Variants in EEF1B2 observed in about 807,000 individuals in gnomAD.
The protein encoded by EEF1B2 is elongation factor 1-beta.
A neutral mutation model predicts 28.3 loss-of-function variants in EEF1B2; 12 were observed. That is an observed-to-expected ratio of 0.42 (90% CI 0.27 to 0.69). The LOEUF is 0.69. EEF1B2 is among the 30% of genes least tolerant of loss of function. The pLI, the probability that EEF1B2 is intolerant of heterozygous loss-of-function variation, is 0.22. For synonymous variants in EEF1B2, 83 were observed against 99.9 expected, an observed-to-expected ratio of 0.83 and a Z score of 1.01; for missense variants, 234 against 272.6, an observed-to-expected ratio of 0.86 and a Z score of 1.00.
chr2:206,162,666 C>T lies in EEF1B2; in HGVS notation c.523+52C>T. 3.2e-6 allele frequency: 5 copies of T among 1,568,450 alleles called. No homozygotes were observed. In the East Asian group the frequency reaches 6.7e-5, roughly 21 times the overall value. On this transcript the variant is annotated intron_variant, in intron 5 of 5. Coordinates refer to ENST00000392222, the MANE Select transcript of EEF1B2 (RefSeq NM_001959.4). Reference sequence around the variant, plus strand: ...TTTGAAACTAACATCTGGAATTTGCCTACAGTTTCAACCTTTCCTACAAGA... The same window carrying T: ...TTTGAAACTAACATCTGGAATTTGCTTACAGTTTCAACCTTTCCTACAAGA...
At chr2:206,159,802 A>C, upstream of EEF1B2, 2 of 579,470 alleles carry the variant, frequency 3.5e-6, no homozygotes, top group Non-Finnish European at 6.0e-6. Flanking sequence ...AGAAGTGGGA[A>C]TGCAAAAGTA....
At chr2:206,162,271 T>C (rs1169747052) in intron 4 of EEF1B2, 167 bp downstream of exon 4, 5 of 1,075,488 alleles carry the variant, frequency 4.6e-6, no homozygotes, top group Non-Finnish European at 7.2e-6. Flanking sequence ...GTAGCAGTTG[T>C]GGCATTCCTC....
chr2:206,160,979 A>G, intron 2 of EEF1B2: 1 of 679,178 alleles, frequency 1.5e-6, no homozygotes, highest in Non-Finnish European at 2.7e-6. Flanking sequence ...CTGGGGTGAG[A>G]GGGTGGCTCA....
chr2:206,161,885 C>T (rs772292882), intron 3 of EEF1B2, 153 bp from the exon 4 acceptor site: 2 of 783,902 alleles, frequency 2.6e-6, no homozygotes, highest in South Asian at 1.3e-5. Context: ...TGACTGGTTG[C>T]ATGATGAATA....
rs530735786 is a variant in EEF1B2 at position 206,160,790 on chromosome 2, C to T, written c.203+80C>T. 5 of 1,607,362 alleles carry T rather than the reference C, an allele frequency of 3.1e-6. No individual in the cohort carries two copies. The South Asian group carries it at 5.5e-5, about 18-fold the overall frequency. On this transcript the variant is annotated intron_variant, in intron 2 of 5. Transcript: ENST00000392222. Reference sequence around the variant, plus strand: ...GGATGTTCACATGACAAAACTGGACCCAGGCTACTTTAGTTTTGTTGGGAT... The same window carrying T: ...GGATGTTCACATGACAAAACTGGACTCAGGCTACTTTAGTTTTGTTGGGAT...
In EEF1B2 at chr2:206,160,718, C is replaced by T; in HGVS notation, c.203+8C>T. ...CGAAAAGGAAAAGGCCAGGTAAAAT[C>T]ATCTTTGTATAGAGCTGAAGAATAA... On this transcript the variant is annotated splice_region_variant and intron_variant, in intron 2 of 5. Transcript: ENST00000392222. The T allele has an allele frequency of 6.2e-7, 1 of 1,614,076 alleles. No homozygotes were observed. The highest frequency in any genetic ancestry group is 8.5e-7 in the Non-Finnish European group (1 of 1,180,020).
Position 206,160,060 on chromosome 2 carries a change from G to A in EEF1B2, c.80+1G>A, listed in dbSNP as rs765917912. 6.2e-7 allele frequency: 1 copy of A among 1,611,734 alleles called. No homozygotes were observed. The highest frequency in any genetic ancestry group is 8.5e-7 in the Non-Finnish European group (1 of 1,179,036). On this transcript the variant is annotated splice_donor_variant, in intron 1 of 5. Transcript: ENST00000392222. LOFTEE classifies it high-confidence loss of function. ...TGGCGGACAAGAGCTACATCGAGGG[G>A]TGAGCGGACGGGCTGAGTCGGGGTG...
At chr2:206,160,343 T>G (rs1290957537) in intron 1 of EEF1B2, among the ~76,000 whole-genome samples, 1 of 152,202 alleles carries the variant, frequency 6.6e-6, no homozygotes, top group African/African-American at 2.4e-5. Context: ...CATGTTAAGC[T>G]GTAGATAGAG....
rs1286150186 is a variant in EEF1B2 at position 206,162,488 on chromosome 2, G to A, written c.398-1G>A. On this transcript the variant is annotated splice_acceptor_variant, in intron 4 of 5. Coordinates refer to ENST00000392222, the MANE Select transcript of EEF1B2 (RefSeq NM_001959.4). LOFTEE classifies it high-confidence loss of function. ...TGAATAATGCTGTTTATTGTTTTTA[G>A]AACCTGCACTTGTTGCCAAGTCTTC... is the stretch of plus-strand genomic sequence containing the variant. 6.2e-7 allele frequency: 1 copy of A among 1,612,280 alleles called. No individual in the cohort carries two copies. Among genetic ancestry groups the A allele is most frequent in the South Asian group, 1.1e-5 (1 of 90,566 alleles).
chr2:206,160,108 G>A, intron 1 of EEF1B2, 49 bp downstream of exon 1: 1 of 1,592,602 alleles, frequency 6.3e-7, no homozygotes, highest in Non-Finnish European at 8.6e-7. Context: ...CTCCGCCCGG[G>A]GCCGGGGCCA....
chr2:206,160,173 T>C (rs1687867878), intron 1 of EEF1B2, 114 bp downstream of exon 1: 1 of 1,310,308 alleles, frequency 7.6e-7, no homozygotes, highest in Non-Finnish European at 1.0e-6. Flanking sequence ...CCCGGGGCCC[T>C]TTCGAGAGGG....
chr2:206,161,923 T>G, intron 3 of EEF1B2, 115 bp from the exon 4 acceptor site: 1 of 873,346 alleles, frequency 1.1e-6, no homozygotes, highest in Non-Finnish European at 2.0e-6. Flanking sequence ...TTCGGCTGAG[T>G]TCGTGATGGA....
At chr2:206,160,871 T>C in intron 2 of EEF1B2, 161 bp downstream of exon 2, 1 of 1,074,740 alleles carries the variant, frequency 9.3e-7, no homozygotes, top group South Asian at 1.3e-5. Context: ...AAGCCCTCCA[T>C]TTTTTCACAG....
rs1326596528 is a variant in EEF1B2 at position 206,161,412 on chromosome 2, T to C, written c.270T>C (p.Ser90=). The change falls in exon 3 of 6, where the codon AGT becomes AGC. Residue 90 remains serine (S), a synonymous_variant. Transcript: ENST00000392222. The part of the protein sequence containing the change: ...GPADVEDTTG[S]GATDSKDDDD... The stretch of plus-strand genomic sequence containing the variant: ...CCGATGTGGAAGACACTACAGGAAG[T>C]GGAGCTACAGATAGTAAAGATGATG... 5 of 1,614,078 alleles carry C rather than the reference T, an allele frequency of 3.1e-6. No individual in the cohort carries two copies. Among genetic ancestry groups the C allele is most frequent in the Non-Finnish European group, 4.2e-6 (5 of 1,179,970 alleles).
chr2:206,159,881 C>T, upstream of EEF1B2: 2 of 1,388,718 alleles, frequency 1.4e-6, no homozygotes, highest in Non-Finnish European at 2.0e-6. Flanking sequence ...AGGAATTTTC[C>T]GGTCTCTTCG....
At chr2:206,161,925 C>A (rs370161702) in intron 3 of EEF1B2, 113 bp from the exon 4 acceptor site, 1 of 877,824 alleles carries the variant, frequency 1.1e-6, no homozygotes, top group Non-Finnish European at 2.0e-6. Context: ...CGGCTGAGTT[C>A]GTGATGGATT....
At chr2:206,161,990 A>G (rs746316259) in intron 3 of EEF1B2, 48 bp from the exon 4 acceptor site, 2 of 1,540,836 alleles carry the variant, frequency 1.3e-6, no homozygotes, top group Admixed American at 3.3e-5. Context: ...AGCTTTAAGC[A>G]GAGGAACAAC....
chr2:206,160,473 G>T, intron 1 of EEF1B2, 115 bp from the exon 2 acceptor site: 1 of 1,547,664 alleles, frequency 6.5e-7, no homozygotes, highest in South Asian at 1.2e-5. Flanking sequence ...AAGCATTAAA[G>T]CAACCCTGCT....
intron 2 of EEF1B2, 44 bp from the exon 3 acceptor site, chr2:206,161,302 T>C (rs1451926722): frequency 6.2e-7 from 1 of 1,608,628 alleles, no homozygotes; most frequent in Admixed American, 1.7e-5. Flanking sequence ...TGGAAAAGGA[T>C]GTTATACTAG....
Sources: gnomAD v4.1 joint callset for allele counts (sites outside exome capture counted in the v4.1 genomes callset) on GRCh38, gnomAD v4.1.1 for gene constraint, MANE v1.5 for transcripts, NCBI Gene and HGNC (gene_info 2026-07-23, HGNC 2026-07-21) for gene names.